The following GRIK4 variants were observed in gnomAD, a reference collection of about 807,000 sequenced individuals.
GRIK4 encodes the protein glutamate ionotropic receptor kainate type subunit 4, also known as glutamate receptor ionotropic, kainate 4.
A neutral mutation model predicts 104.9 loss-of-function variants in GRIK4; 40 were observed. The ratio of observed to expected loss-of-function variants is 0.38; its 90% confidence interval spans 0.30 to 0.50. GRIK4 has a LOEUF of 0.50. Ranked by LOEUF, GRIK4 falls within the 20% of genes least tolerant of loss-of-function variation. The pLI, the probability that GRIK4 is intolerant of heterozygous loss-of-function variation, is 0.93. For synonymous variants in GRIK4, 485 were observed against 524.9 expected (o/e 0.92, Z 1.04); for missense variants, 1,047 against 1,308.1 (o/e 0.80, Z 3.08).
At chr11:120,824,042 G>A (rs1953191170) in intron 6 of GRIK4, among the ~76,000 whole-genome samples, 1 of 152,168 alleles carries the variant, frequency 6.6e-6, no homozygotes, top group Admixed American at 6.5e-5. Context: ...ATTAATGCAG[G>A]GCTGAGAGAT....
rs61901426 is a variant in GRIK4 at position 120,832,145 on chromosome 11, A to T, written c.690+115A>T. 2.6e-3 allele frequency: 1,614 copies of T among 624,634 alleles called. 3 individuals carry two copies. Among genetic ancestry groups the T allele is most frequent in the Non-Finnish European group, 3.6e-3 (1,304 of 365,044 alleles). 38.7% of individuals were successfully genotyped at this position (624,634 alleles called of 1,614,324 possible). A position where few individuals can be genotyped will look rare whatever the true frequency, so the allele number is the denominator to read the frequency against. ...AGCCCCGGGCTGGACCTGAACTCTT[A>T]CAAACCTCTCTCTGTGCTTCTGTTT... On this transcript the variant is annotated intron_variant, in intron 7 of 20. Transcript: ENST00000527524.
In GRIK4 at chr11:120,792,649, G is replaced by T. The variant is rs1022117290; in HGVS notation, c.83-10044G>T. On this transcript the variant is annotated intron_variant, in intron 3 of 20. Transcript: ENST00000527524. ...TACAACCAAAAGCAATTGGAGACTG[G>T]TTATTGGAAGGTGCGGAATTGGGTG... Among the ~76,000 whole-genome samples the T allele has an allele frequency of 2.6e-5, 4 of 152,276 alleles. No homozygotes were observed. In the East Asian group the frequency reaches 5.8e-4, roughly 22 times the overall value.
At chr11:120,791,724 C>T (rs776559651) in intron 3 of GRIK4, among the ~76,000 whole-genome samples, 15 of 152,042 alleles carry the variant, frequency 9.9e-5, no homozygotes, top group South Asian at 2.1e-4. Flanking sequence ...TAGGTTTTAC[C>T]GTTATGTCTA....
chr11:120,782,176 G>A (rs1952170844), intron 3 of GRIK4, among the ~76,000 whole-genome samples: 1 of 151,966 alleles, frequency 6.6e-6, no homozygotes, highest in African/African-American at 2.4e-5. Flanking sequence ...TGTGCTGTCT[G>A]CCTCCTCAGC....
intron 4 of GRIK4, among the ~76,000 whole-genome samples, chr11:120,807,938 A>T (rs1243840325): frequency 6.6e-6 from 1 of 152,196 alleles, no homozygotes; most frequent in Non-Finnish European, 1.5e-5. Flanking sequence ...AATGAGTGGC[A>T]CAGACAGGGG....
intron 3 of GRIK4, among the ~76,000 whole-genome samples, chr11:120,678,091 C>T (rs901276999): frequency 3.3e-5 from 5 of 152,176 alleles, no homozygotes; most frequent in Admixed American, 3.3e-4. Flanking sequence ...CTGTGCTCCC[C>T]TCTGCAGAGA....
In GRIK4 at chr11:120,780,493, G is replaced by A. The variant is rs78695253; in HGVS notation, c.83-22200G>A. Among the ~76,000 whole-genome samples the A allele has an allele frequency of 1.2e-3, 190 of 152,220 alleles. 1 individual carries two copies. Among genetic ancestry groups the A allele is most frequent in the African/African-American group, 4.3e-3 (178 of 41,516 alleles). On this transcript the variant is annotated intron_variant, in intron 3 of 20. Transcript: ENST00000527524. ...CCTTTGTAAGGCTGAATCATATTCC[G>A]TTGTATGTATGTATTTTGTTGATCC...
intron 19 of GRIK4, among the ~76,000 whole-genome samples, chr11:120,969,607 C>A (rs1944440621): frequency 6.6e-6 from 1 of 152,060 alleles, no homozygotes; most frequent in South Asian, 2.1e-4. Flanking sequence ...TGTGACTGGA[C>A]CTGGAATAGC....
intron 3 of GRIK4, among the ~76,000 whole-genome samples, chr11:120,786,590 G>T (rs1365053881): frequency 2.0e-5 from 3 of 151,948 alleles, no homozygotes; most frequent in African/African-American, 7.3e-5. Flanking sequence ...CTTGCTTCTG[G>T]CTGTGCCCTG....
At chr11:120,827,101 A>G (rs1294158420) in intron 6 of GRIK4, among the ~76,000 whole-genome samples, 2 of 152,218 alleles carry the variant, frequency 1.3e-5, no homozygotes, top group African/African-American at 4.8e-5. Flanking sequence ...GTCCAGGACC[A>G]AGGCACTACT....
intron 1 of GRIK4, among the ~76,000 whole-genome samples, chr11:120,610,541 C>T (rs1025830511): frequency 6.6e-6 from 1 of 152,262 alleles, no homozygotes; most frequent in South Asian, 2.1e-4. Context: ...GGGGCTGGCC[C>T]AGGCAGCCGG....
intron 20 of GRIK4, among the ~76,000 whole-genome samples, chr11:120,982,577 C>T (rs557365387): frequency 2.6e-5 from 4 of 152,212 alleles, no homozygotes; most frequent in East Asian, 1.9e-4. Context: ...TCCCCCTTCT[C>T]GGGGATTTTG....
At chr11:120,775,751 A>G (rs1214395726) in intron 3 of GRIK4, among the ~76,000 whole-genome samples, 1 of 152,278 alleles carries the variant, frequency 6.6e-6, no homozygotes, top group Non-Finnish European at 1.5e-5. Context: ...AATCCTGATG[A>G]GAACTCTTGG....
chr11:120,934,204 CAAAAAAAAAAAAA>C (rs35705174), intron 13 of GRIK4, among the ~76,000 whole-genome samples: 2 of 54,242 alleles, frequency 3.7e-5, no homozygotes. Flanking sequence ...GACTCCGTCT[CAAAAAAAAAAAAA>C]AAAAAAAAAA....
chr11:120,684,988 C>T (rs1450391042), intron 3 of GRIK4, among the ~76,000 whole-genome samples: 1 of 152,072 alleles, frequency 6.6e-6, no homozygotes, highest in East Asian at 2.0e-4. Context: ...TGAGCCACCA[C>T]ACCTGGCCAT....
At chr11:120,979,290 T>C (rs1161933576) in intron 19 of GRIK4, among the ~76,000 whole-genome samples, 4 of 152,212 alleles carry the variant, frequency 2.6e-5, no homozygotes, top group Non-Finnish European at 4.4e-5. Context: ...GTAGAAATAA[T>C]TTTTTGATTA....
intron 1 of GRIK4, among the ~76,000 whole-genome samples, chr11:120,569,486 A>G (rs1948370747): frequency 6.6e-6 from 1 of 152,200 alleles, no homozygotes; most frequent in Non-Finnish European, 1.5e-5. Context: ...TAAGGCTTCA[A>G]GATGTTTACT....
intron 1 of GRIK4, among the ~76,000 whole-genome samples, chr11:120,640,615 C>T (rs751660563): frequency 3.3e-5 from 5 of 152,256 alleles, no homozygotes; most frequent in Non-Finnish European, 5.9e-5. Context: ...TCCAAGCTGC[C>T]ATGTAACTTT....
chr11:120,619,165 G>A (rs1949153338), intron 1 of GRIK4, among the ~76,000 whole-genome samples: 1 of 152,326 alleles, frequency 6.6e-6, no homozygotes, highest in South Asian at 2.1e-4. Flanking sequence ...TGCCCTGGAT[G>A]TGAGAAATGG....
Sources: gnomAD v4.1 joint callset for allele counts (sites outside exome capture counted in the v4.1 genomes callset) on GRCh38, gnomAD v4.1.1 for gene constraint, MANE v1.5 for transcripts, NCBI Gene and HGNC (gene_info 2026-07-23, HGNC 2026-07-21) for gene names.